L3MBTL3: variants seen among roughly 807,000 people sequenced by gnomAD.
The protein encoded by L3MBTL3 is L3MBTL histone methyl-lysine binding protein 3.
Under a neutral mutation model 102.3 loss-of-function variants are expected in L3MBTL3, and 27 were observed. The ratio of observed to expected loss-of-function variants is 0.26; its 90% CI spans 0.19 to 0.36. L3MBTL3 has a LOEUF of 0.36. Among genes scored for constraint, L3MBTL3 ranks in the 10% least tolerant of loss-of-function variants. The probability of loss-of-function intolerance (pLI) is 1.00; values close to 1 mark genes in which losing one functional copy is unlikely to be tolerated. For missense variants in L3MBTL3, 798 were observed against 955.3 expected (o/e 0.84, Z 2.17); for synonymous variants, 340 against 320.9 (o/e 1.06, Z -0.64).
At chr6:130,077,299 A>C (rs1783014044) in intron 13 of L3MBTL3, among the ~76,000 whole-genome samples, 1 of 152,162 alleles carries the variant, frequency 6.6e-6, no homozygotes, top group African/African-American at 2.4e-5. Flanking sequence ...AGTGCATCTT[A>C]ATGAATTATG....
chr6:130,107,835 C>T (rs180948230), intron 19 of L3MBTL3, among the ~76,000 whole-genome samples: 1 of 152,292 alleles, frequency 6.6e-6, no homozygotes, highest in African/African-American at 2.4e-5. Context: ...TCCCATGCAA[C>T]TTTAACACTT....
intron 19 of L3MBTL3, among the ~76,000 whole-genome samples, chr6:130,119,457 G>A (rs1354096514): frequency 6.6e-6 from 1 of 152,100 alleles, no homozygotes; most frequent in Non-Finnish European, 1.5e-5. Context: ...CATAGCTGCA[G>A]CATTATTTTT....
Position 130,042,809 on chromosome 6 carries a change from C to G in L3MBTL3, c.102+8C>G, listed in dbSNP as rs764580588. 7 of 1,543,528 alleles carry G rather than the reference C, an allele frequency of 4.5e-6. No individual in the cohort carries two copies. Among genetic ancestry groups the G allele is most frequent in the South Asian group, 1.1e-5 (1 of 89,552 alleles). ...CCAGGAAGTGACTTAAAGGTAAACC[C>G]TCTTTATTACATACAATTATGTGTG... On this transcript the variant is annotated splice_region_variant and intron_variant, in intron 3 of 22. Transcript: ENST00000361794.
At chr6:130,025,988 C>T (rs2114487550) in intron 2 of L3MBTL3, among the ~76,000 whole-genome samples, 1 of 152,116 alleles carries the variant, frequency 6.6e-6, no homozygotes, top group African/African-American at 2.4e-5. Flanking sequence ...CAAAACAAAG[C>T]CATGGTTAAG....
Position 130,139,835 on chromosome 6 carries a change from A to G in L3MBTL3, c.*82A>G. 2 of 1,311,606 alleles carry G rather than the reference A, an allele frequency of 1.5e-6. No homozygotes were observed. The highest frequency in any genetic ancestry group is 2.1e-6 in the Non-Finnish European group (2 of 935,392). The allele number at this position is 1,311,606 out of a possible 1,614,324, so 81.2% of individuals were successfully genotyped here. A position where few individuals can be genotyped will look rare whatever the true frequency, so the allele number is the denominator to read the frequency against. Reference sequence around the variant, plus strand: ...AAGCACAAGGACGGTTATAACTCCTAAGTGAGAAGTCTCCAAAACTCAAAA... The same window carrying G: ...AAGCACAAGGACGGTTATAACTCCTGAGTGAGAAGTCTCCAAAACTCAAAA... On this transcript the variant is annotated 3_prime_UTR_variant, in exon 23 of 23. Coordinates refer to ENST00000361794, the MANE Select transcript of L3MBTL3 (RefSeq NM_032438.4).
intron 2 of L3MBTL3, among the ~76,000 whole-genome samples, chr6:130,026,160 T>C (rs1052722236): frequency 2.6e-5 from 4 of 152,160 alleles, no homozygotes; most frequent in African/African-American, 9.7e-5. Flanking sequence ...ATCGAGTGCC[T>C]TCTGAAGATC....
intron 5 of L3MBTL3, among the ~76,000 whole-genome samples, chr6:130,050,552 C>T (rs765969466): frequency 2.0e-5 from 3 of 152,244 alleles, no homozygotes; most frequent in Admixed American, 6.5e-5. Context: ...TTCTGTACTA[C>T]TTCTGGACCT....
chr6:130,071,108 G>T lies in L3MBTL3; in HGVS notation c.1225G>T (p.Asp409Tyr). 6.2e-7 allele frequency: 1 copy of T among 1,612,940 alleles called. No individual in the cohort carries two copies. The change falls in exon 13 of 23, where the codon GAT (aspartate) becomes TAT (tyrosine). Residue 409 changes from aspartate (D) to tyrosine (Y), a missense_variant. Coordinates refer to ENST00000361794, the MANE Select transcript of L3MBTL3 (RefSeq NM_032438.4). ...NRFLVHFDNW[D>Y]ESYDYWCEAS... is the part of the protein sequence containing the mutation. ...TTTCCTGGTACATTTTGACAACTGG[G>T]ATGAGAGCTATGACTATTGGTGAGA...
chr6:130,050,651 T>C (rs1042795551), intron 5 of L3MBTL3, among the ~76,000 whole-genome samples: 1 of 152,210 alleles, frequency 6.6e-6, no homozygotes. Context: ...TGAGCTCTCT[T>C]GGGCAAGGTC....
At chr6:130,029,273 C>T (rs1338705072) in intron 2 of L3MBTL3, among the ~76,000 whole-genome samples, 1 of 152,216 alleles carries the variant, frequency 6.6e-6, no homozygotes, top group East Asian at 1.9e-4. Context: ...CCCACTGTAG[C>T]CCCTTTGGGG....
At chr6:130,112,214 A>T (rs142088024) in intron 19 of L3MBTL3, among the ~76,000 whole-genome samples, 1 of 152,084 alleles carries the variant, frequency 6.6e-6, no homozygotes, top group Non-Finnish European at 1.5e-5. Context: ...TTGCTTGATG[A>T]TGTGCTCCAT....
intron 19 of L3MBTL3, among the ~76,000 whole-genome samples, chr6:130,107,076 G>A (rs1001525953): frequency 6.6e-6 from 1 of 152,166 alleles, no homozygotes; most frequent in Non-Finnish European, 1.5e-5. Flanking sequence ...AGATCAGCCA[G>A]GAGTGAGAAG....
chr6:130,051,456 A>G (rs768785070), intron 6 of L3MBTL3, 48 bp downstream of exon 6: 1 of 1,499,806 alleles, frequency 6.7e-7, no homozygotes, highest in South Asian at 1.1e-5. Flanking sequence ...TAGATTCCAA[A>G]GTCATGGTGC....
intron 2 of L3MBTL3, among the ~76,000 whole-genome samples, chr6:130,023,423 G>A (rs2114449414): frequency 1.3e-5 from 2 of 152,308 alleles, no homozygotes; most frequent in Non-Finnish European, 2.9e-5. Context: ...TTCAAGAAGA[G>A]TAAAATCAGT....
chr6:130,051,097 C>G (rs1037225803), intron 5 of L3MBTL3, 152 bp from the exon 6 acceptor site: 1 of 579,004 alleles, frequency 1.7e-6, no homozygotes, highest in South Asian at 2.7e-5. Context: ...GCCCATACCC[C>G]CCGAAAACAC....
intron 22 of L3MBTL3, chr6:130,137,762 AT>A (rs1787857075): frequency 6.6e-6 from 1 of 152,270 alleles, no homozygotes; most frequent in African/African-American, 2.4e-5. Flanking sequence ...GTCAGTTGAC[AT>A]TTTCATTAAT....
At chr6:130,031,031 A>G (rs772765354) in intron 2 of L3MBTL3, among the ~76,000 whole-genome samples, 1 of 152,244 alleles carries the variant, frequency 6.6e-6, no homozygotes, top group South Asian at 2.1e-4. Context: ...ATTTGTGGAT[A>G]CATGAGTCCT....
At chr6:130,033,413 A>G (rs1216282596) in intron 2 of L3MBTL3, among the ~76,000 whole-genome samples, 1 of 152,246 alleles carries the variant, frequency 6.6e-6, no homozygotes, top group Non-Finnish European at 1.5e-5. Flanking sequence ...TGATGGTGTC[A>G]TATAGTAGGC....
chr6:130,051,221 A>G (rs1562266185), intron 5 of L3MBTL3, 28 bp from the exon 6 acceptor site: 1 of 1,580,284 alleles, frequency 6.3e-7, no homozygotes, highest in Non-Finnish European at 8.6e-7. Flanking sequence ...CATGGTTGTA[A>G]TTTGCATTTC....
Sources: gnomAD v4.1 joint callset for allele counts (sites outside exome capture counted in the v4.1 genomes callset) on GRCh38, gnomAD v4.1.1 for gene constraint, MANE v1.5 for transcripts, NCBI Gene and HGNC (gene_info 2026-07-23, HGNC 2026-07-21) for gene names.